Variants in INSC observed in about 807,000 individuals in gnomAD.
INSC encodes the protein protein inscuteable homolog.
INSC carries 67 observed loss-of-function variants against 58.6 expected under a neutral mutation model. The observed-to-expected ratio is 1.14, with a 90% CI of 0.94 to 1.40. INSC has a LOEUF of 1.40. Among genes scored for constraint, INSC ranks in the 40% most tolerant of loss-of-function variants. The probability of loss-of-function intolerance (pLI) is 0.00; values close to 1 mark genes in which losing one functional copy is unlikely to be tolerated. For missense variants in INSC, 714 were observed against 692.0 expected, an observed-to-expected ratio of 1.03 and a Z score of -0.36; for synonymous variants, 262 against 276.1, an observed-to-expected ratio of 0.95 and a Z score of 0.51.
chr11:15,150,772 T>G (rs1355674394), intron 2 of INSC, among the ~76,000 whole-genome samples: 1 of 152,138 alleles, frequency 6.6e-6, no homozygotes, highest in Non-Finnish European at 1.5e-5. Flanking sequence ...CTGGGATGCT[T>G]TCATATTTAA....
intron 1 of INSC, among the ~76,000 whole-genome samples, chr11:15,123,196 A>G (rs550097053): frequency 8.2e-4 from 125 of 152,334 alleles, no homozygotes; most frequent in African/African-American, 2.9e-3. Flanking sequence ...CATAATCTTC[A>G]GGACCAGGTC....
At chr11:15,194,650 C>T (rs576497555) in intron 6 of INSC, among the ~76,000 whole-genome samples, 86 of 152,186 alleles carry the variant, frequency 5.7e-4, no homozygotes, top group Non-Finnish European at 6.3e-4. Context: ...TAATTCCTTT[C>T]TTTTAATTCA....
At chr11:15,181,187 G>GGTTT (rs2133837919) in intron 5 of INSC, among the ~76,000 whole-genome samples, 2 of 152,272 alleles carry the variant, frequency 1.3e-5, no homozygotes, top group East Asian at 3.9e-4. Flanking sequence ...CATAGGCAGG[G>GGTTT]GTTTTGGTTT....
At chr11:15,234,231 TG>T in intron 9 of INSC, among the ~76,000 whole-genome samples, 1 of 152,270 alleles carries the variant, frequency 6.6e-6, no homozygotes, top group East Asian at 1.9e-4. Context: ...AGGCCCCTGA[TG>T]GGGTCTGAGC....
chr11:15,224,522 C>T (rs1042455020), intron 8 of INSC, among the ~76,000 whole-genome samples: 3 of 152,174 alleles, frequency 2.0e-5, no homozygotes, highest in Non-Finnish European at 4.4e-5. Flanking sequence ...CTTTCTTTCT[C>T]TCCTGGGACT....
rs59232275 is a variant in INSC, at chr11:15,185,231, G to C, written c.580-5470G>C. 3.5e-3 allele frequency among the ~76,000 whole-genome samples: 535 copies of C among 152,232 alleles called. 5 individuals are homozygous for C. The highest frequency in any genetic ancestry group is 0.012 in the African/African-American group (516 of 41,518). On this transcript the variant is annotated intron_variant, in intron 5 of 12. Transcript: ENST00000379556. ...TATGTGATTACATAACTTAGAAGGT[G>C]ACTCAAGGGGTTAAGCAATGTAGTA... is the stretch of plus-strand genomic sequence containing the variant.
At chr11:15,193,983 C>A (rs1850278555) in intron 6 of INSC, among the ~76,000 whole-genome samples, 1 of 152,220 alleles carries the variant, frequency 6.6e-6, no homozygotes, top group Non-Finnish European at 1.5e-5. Flanking sequence ...ATGTCTCTCA[C>A]ACTCAACTTC....
At position 15,141,653 on chromosome 11, in the gene INSC, T is replaced by A. The variant is rs529953296; in HGVS notation, c.-45-7477T>A. 1.5e-4 allele frequency among the ~76,000 whole-genome samples: 23 copies of A among 152,244 alleles called. No individual in the cohort carries two copies. In the South Asian group the frequency reaches 4.8e-3, roughly 32 times the overall value. ...CCTGGGAACGAGGGGTGTTAAAGTA[T>A]CTGATTGCTGCAGGATGCCAGCCAC... On this transcript the variant is annotated intron_variant, in intron 1 of 12. Coordinates refer to ENST00000379556, the MANE Select transcript of INSC (RefSeq NM_001042536.3).
chr11:15,214,233 A>G (rs554749247), intron 7 of INSC, among the ~76,000 whole-genome samples: 16 of 152,314 alleles, frequency 1.1e-4, no homozygotes, highest in African/African-American at 3.6e-4. Context: ...GCAGGATGCC[A>G]GTCACTTTGT....
intron 7 of INSC, among the ~76,000 whole-genome samples, chr11:15,216,258 C>A (rs1405414138): frequency 6.6e-6 from 1 of 152,136 alleles, no homozygotes; most frequent in East Asian, 1.9e-4. Context: ...GAGATCAGGG[C>A]AAGATGGAGA....
At chr11:15,198,944 A>T (rs950765042) in intron 6 of INSC, among the ~76,000 whole-genome samples, 1 of 152,160 alleles carries the variant, frequency 6.6e-6, no homozygotes, top group African/African-American at 2.4e-5. Flanking sequence ...TGAAGTAATT[A>T]CGTGCACTTA....
chr11:15,188,525 A>T (rs57074763), intron 5 of INSC, among the ~76,000 whole-genome samples: 1 of 152,180 alleles, frequency 6.6e-6, no homozygotes, highest in Non-Finnish European at 1.5e-5. Context: ...GCTCTGACAC[A>T]TGGTGATATT....
intron 9 of INSC, among the ~76,000 whole-genome samples, chr11:15,228,623 G>A (rs1851731554): frequency 6.6e-6 from 1 of 152,194 alleles, no homozygotes; most frequent in African/African-American, 2.4e-5. Flanking sequence ...GCTTTGAAGT[G>A]CTCACTGCCC....
intron 12 of INSC, among the ~76,000 whole-genome samples, chr11:15,245,678 C>G (rs1852534914): frequency 6.6e-6 from 1 of 152,194 alleles, no homozygotes; most frequent in Non-Finnish European, 1.5e-5. Context: ...CAGATGACAT[C>G]TATCTTAGTG....
At chr11:15,266,013 C>T in the INSC span, among the ~76,000 whole-genome samples, 46 of 151,728 alleles carry the variant, frequency 3.0e-4, 1 homozygote, top group African/African-American at 1.0e-3. Context: ...GTGACAAAGT[C>T]CATTGAGCCT....
At chr11:15,265,351 T>C in the INSC span, among the ~76,000 whole-genome samples, 14 of 152,050 alleles carry the variant, frequency 9.2e-5, no homozygotes, top group Admixed American at 9.2e-4. Context: ...TTAATAAAAG[T>C]TATATAAGTT....
chr11:15,115,520 G>A (rs1847670718), intron 1 of INSC, among the ~76,000 whole-genome samples: 1 of 152,202 alleles, frequency 6.6e-6, no homozygotes, highest in African/African-American at 2.4e-5. Context: ...GGTTTCTCAG[G>A]GCTTGGAGAA....
At chr11:15,188,945 A>G (rs916365656) in intron 5 of INSC, among the ~76,000 whole-genome samples, 2 of 152,212 alleles carry the variant, frequency 1.3e-5, no homozygotes, top group African/African-American at 2.4e-5. Context: ...AGGGATTTGT[A>G]GTGACAAATC....
At chr11:15,159,397 G>A (rs1236724352) in intron 2 of INSC, among the ~76,000 whole-genome samples, 1 of 152,154 alleles carries the variant, frequency 6.6e-6, no homozygotes, top group Admixed American at 6.5e-5. Flanking sequence ...TATCCTAAAT[G>A]TCCACTTTGG....
Sources: gnomAD v4.1 joint callset for allele counts (sites outside exome capture counted in the v4.1 genomes callset) on GRCh38, gnomAD v4.1.1 for gene constraint, MANE v1.5 for transcripts, NCBI Gene and HGNC (gene_info 2026-07-23, HGNC 2026-07-21) for gene names.